Variants in CHRM4 observed in about 807,000 individuals in gnomAD.
CHRM4 encodes cholinergic receptor muscarinic 4, also known as muscarinic acetylcholine receptor M4.
In CHRM4, 5 loss-of-function variants were observed where a neutral mutation model predicts 26.3. The observed-to-expected ratio is 0.19, with a 90% confidence interval of 0.10 to 0.40. The LOEUF is 0.40. Among genes scored for constraint, CHRM4 ranks in the 10% least tolerant of loss-of-function variants. The pLI, the probability that CHRM4 is intolerant of heterozygous loss-of-function variation, is 1.00. For synonymous variants in CHRM4, 290 were observed against 285.3 expected, an observed-to-expected ratio of 1.02 and a Z score of -0.16; for missense variants, 402 against 664.5, an observed-to-expected ratio of 0.60 and a Z score of 4.34.
chr11:46,390,708 C>T (rs1012692455), intron 1 of CHRM4, among the ~76,000 whole-genome samples: 1 of 152,262 alleles, frequency 6.6e-6, no homozygotes, highest in Non-Finnish European at 1.5e-5. Context: ...GTCGAAGGAG[C>T]CCTGGCTCTC....
chr11:46,390,964 GA>G (rs1309434184), intron 1 of CHRM4, among the ~76,000 whole-genome samples: 2 of 152,218 alleles, frequency 1.3e-5, no homozygotes, highest in Non-Finnish European at 2.9e-5. Flanking sequence ...GAGTCCAAGG[GA>G]GGGAGAGGCG....
Position 46,386,401 on chromosome 11 carries a change from C to T in CHRM4, c.157G>A (p.Val53Met), listed in dbSNP as rs1279479189. 6.2e-7 allele frequency: 1 copy of T among 1,613,932 alleles called. No individual in the cohort carries two copies. Among genetic ancestry groups the T allele is most frequent in the African/African-American group, 1.3e-5 (1 of 75,012 alleles). Residue 53 changes from valine to methionine, a missense_variant, in exon 2 of 2, where the codon GTG (valine) becomes ATG (methionine). Physicochemically the swap from Val to Met is conservative, Grantham distance 21 (BLOSUM62 1). Transcript: ENST00000682254. The surrounding 1 kb of genome is among the most constrained non-coding windows in gnomAD (Gnocchi z 5.8). The part of the protein sequence containing the change: ...SLVTVVGNIL[V>M]MLSIKVNRQL... ...CTGTTGACCTTGATGGACAGCATCA[C>T]CAGGATGTTGCCCACGACAGTCACC...
In CHRM4 at chr11:46,388,761, A is replaced by G. The variant is rs1246846979; in HGVS notation, c.-29-2175T>C. ...AGCACCAGGAGGCTGCCCTCCCCCAATCACTCACGTGGAGGAGGGGACAGG... is the reference window on the plus strand; with the variant it reads ...AGCACCAGGAGGCTGCCCTCCCCCAGTCACTCACGTGGAGGAGGGGACAGG... On this transcript the variant is annotated intron_variant, in intron 1 of 1. Transcript: ENST00000682254. 5.9e-5 allele frequency among the ~76,000 whole-genome samples: 9 copies of G among 152,220 alleles called. 2 individuals carry two copies. Among genetic ancestry groups the G allele is most frequent in the Non-Finnish European group, 5.9e-5 (4 of 68,004 alleles).
At position 46,385,826 on chromosome 11, in the gene CHRM4, G is replaced by T; in HGVS notation, c.732C>A (p.Phe244Leu). 6.2e-7 allele frequency: 1 copy of T among 1,601,104 alleles called. No homozygotes were observed. Among genetic ancestry groups the T allele is most frequent in the Non-Finnish European group, 8.5e-7 (1 of 1,173,808 alleles). Residue 244 changes from phenylalanine (F) to leucine (L), a missense_variant, in exon 2 of 2, where the codon TTC (phenylalanine) becomes TTA (leucine). Physicochemically the swap from Phe to Leu is conservative, Grantham distance 22. Coordinates refer to ENST00000682254, the MANE Select transcript of CHRM4 (RefSeq NM_000741.5). The surrounding 1 kb of genome is among the most constrained non-coding windows in gnomAD (Gnocchi z 6.3). ...PKEKKAKTLA[F>L]LKSPLMKQSV... Reference sequence around the variant, plus strand: ...TCTGCTTCATTAGTGGGCTCTTGAGGAAGGCCAGCGTCTTGGCTTTCTTCT... The same window carrying T: ...TCTGCTTCATTAGTGGGCTCTTGAGTAAGGCCAGCGTCTTGGCTTTCTTCT...
In CHRM4 at chr11:46,384,239, CCCGAG is replaced by C. The variant is rs1452116063; in HGVS notation, c.*874_*878del. On this transcript the variant is annotated 3_prime_UTR_variant, in exon 2 of 2. Coordinates refer to ENST00000682254, the MANE Select transcript of CHRM4 (RefSeq NM_000741.5). ...TCCCCCCTTCCCACTGTCATGGAAA[CCCGAG>C]TGAGCCACCAGGTTGACCCCTTTCC... 3.3e-5 allele frequency among the ~76,000 whole-genome samples: 5 copies of C among 152,246 alleles called. No homozygotes were observed. Among genetic ancestry groups the C allele is most frequent in the African/African-American group, 1.2e-4 (5 of 41,462 alleles).
In CHRM4 at chr11:46,384,365, C is replaced by T. The variant is rs1945309757; in HGVS notation, c.*753G>A. ...GAATGCCATCCACCACAGCCTCACC[C>T]TGACTCGATGTGTGACCTGGGACAG... On this transcript the variant is annotated 3_prime_UTR_variant, in exon 2 of 2. Transcript: ENST00000682254. Among the ~76,000 whole-genome samples the T allele has an allele frequency of 6.6e-6, 1 of 152,228 alleles. No homozygotes were observed. The highest frequency in any genetic ancestry group is 2.4e-5 in the African/African-American group (1 of 41,452).
At chr11:46,388,501 C>T (rs1030155657) in intron 1 of CHRM4, among the ~76,000 whole-genome samples, 1 of 152,246 alleles carries the variant, frequency 6.6e-6, no homozygotes, top group Non-Finnish European at 1.5e-5. Context: ...CCCTTCTATT[C>T]CACCGTCGCA....
Position 46,386,404 on chromosome 11 carries a change from G to T in CHRM4, c.154C>A (p.Leu52Met). The change falls in exon 2 of 2, where the codon CTG (leucine) becomes ATG (methionine). Residue 52 changes from leucine to methionine, a missense_variant. By Grantham distance (15) the Leu-to-Met change is conservative. Around this residue, in one of 5 missense-constraint regions of CHRM4, gnomAD observed 92 missense variants for 133.1 expected, o/e 0.69. Transcript: ENST00000682254. The surrounding 1 kb of genome is among the most constrained non-coding windows in gnomAD (Gnocchi z 5.8). ...LSLVTVVGNILVMLSIKVNRQ... is the reference protein window; with the variant it reads ...LSLVTVVGNIMVMLSIKVNRQ... ...TTGACCTTGATGGACAGCATCACCA[G>T]GATGTTGCCCACGACAGTCACCAGG... 3.7e-6 allele frequency: 6 copies of T among 1,614,002 alleles called. No individual in the cohort carries two copies. Among genetic ancestry groups the T allele is most frequent in the Non-Finnish European group, 5.1e-6 (6 of 1,179,910 alleles).
At chr11:46,387,001 G>T (rs1044252619) in intron 1 of CHRM4, among the ~76,000 whole-genome samples, 1 of 143,382 alleles carries the variant, frequency 7.0e-6, no homozygotes, top group Admixed American at 7.1e-5. Context: ...GGCCCTGCCA[G>T]GGGCAGTAGC....
At chr11:46,390,607 T>A (rs902027602) in intron 1 of CHRM4, among the ~76,000 whole-genome samples, 1 of 152,158 alleles carries the variant, frequency 6.6e-6, no homozygotes, top group African/African-American at 2.4e-5. Flanking sequence ...GTGACCAAAG[T>A]GGGGACCCAG....
At position 46,386,631 on chromosome 11, in the gene CHRM4, G is replaced by A. The variant is rs1244084406; in HGVS notation, c.-29-45C>T. 6 of 1,545,758 alleles carry A rather than the reference G, an allele frequency of 3.9e-6. No homozygotes were observed. Among genetic ancestry groups the A allele is most frequent in the East Asian group, 4.5e-5 (2 of 44,238 alleles). On this transcript the variant is annotated intron_variant, in intron 1 of 1. Transcript: ENST00000682254. The surrounding 1 kb of genome is among the most constrained non-coding windows in gnomAD (Gnocchi z 5.8). Reference sequence around the variant, plus strand: ...AAAAGCATGAACTACAGGAGGGAATGGGGGAGTCATCTGGAGGTACACTGG... The same window carrying A: ...AAAAGCATGAACTACAGGAGGGAATAGGGGAGTCATCTGGAGGTACACTGG...
At position 46,386,719 on chromosome 11, in the gene CHRM4, C is replaced by T; in HGVS notation, c.-29-133G>A. 1.2e-6 allele frequency: 1 copy of T among 845,026 alleles called. No homozygotes were observed. The highest frequency in any genetic ancestry group is 1.8e-6 in the Non-Finnish European group (1 of 555,260). The allele number at this position is 845,026 out of a possible 1,614,324, so 52.3% of individuals were successfully genotyped here. On this transcript the variant is annotated intron_variant, in intron 1 of 1. Transcript: ENST00000682254. The surrounding 1 kb of genome is among the most constrained non-coding windows in gnomAD (Gnocchi z 5.8). The stretch of plus-strand genomic sequence containing the variant: ...CTTGAGAGAACTCTGTCCCGCCATC[C>T]CGCATTTGCCCATTCATTCAACATT...
rs752305893 is a variant in CHRM4, at chr11:46,385,874, C to A, written c.684G>T (p.Lys228Asn). 1 of 1,609,994 alleles carries A rather than the reference C, an allele frequency of 6.2e-7. No individual in the cohort carries two copies. The highest frequency in any genetic ancestry group is 8.5e-7 in the Non-Finnish European group (1 of 1,178,494). The change falls in exon 2 of 2, where the codon AAG becomes AAT. Residue 228 changes from lysine to asparagine, a missense_variant. By Grantham distance (94) the Lys-to-Asn change is moderately conservative (BLOSUM62 0). Transcript: ENST00000682254. This position sits in a 1 kb window ranked among gnomAD's most constrained non-coding sequence, Gnocchi z 6.3. ...TCTCCTTCGGGCCCTCGGGCCGGTG[C>A]TTGTGGACTCGGCTGCGACTGGCCA... ...ISLASRSRVH[K>N]HRPEGPKEKK...
intron 1 of CHRM4, among the ~76,000 whole-genome samples, chr11:46,387,574 CT>C (rs1475200092): frequency 6.6e-6 from 1 of 152,174 alleles, no homozygotes; most frequent in Non-Finnish European, 1.5e-5. Context: ...CACTATGTTG[CT>C]GGTGGGATTA....
chr11:46,385,213 T>A lies in CHRM4; in HGVS notation c.1345A>T (p.Asn449Tyr). ...YWLCYVNSTI[N>Y]PACYALCNAT... The stretch of plus-strand genomic sequence containing the variant: ...TTGCACAGAGCATAGCAGGCAGGGT[T>A]GATGGTGCTGTTGACGTAGCAGAGC... The change falls in exon 2 of 2, where the codon AAC (asparagine) becomes TAC (tyrosine). Residue 449 changes from asparagine to tyrosine, a missense_variant. This residue lies in a region of CHRM4 where 55 missense variants were observed against 126.4 expected (regional missense o/e 0.44). Coordinates refer to ENST00000682254, the MANE Select transcript of CHRM4 (RefSeq NM_000741.5). The surrounding 1 kb of genome is among the most constrained non-coding windows in gnomAD (Gnocchi z 6.3). The A allele has an allele frequency of 6.2e-7, 1 of 1,614,048 alleles. No individual in the cohort carries two copies. Among genetic ancestry groups the A allele is most frequent in the Non-Finnish European group, 8.5e-7 (1 of 1,179,982 alleles).
rs1386215836 is a variant in CHRM4 at position 46,384,887 on chromosome 11, G to T, written c.*231C>A. ...GTGCCCCGCAGCTCGCTGAAGCAGG[G>T]CCACAGAGGTGGGCCAGGCAGCCCC... On this transcript the variant is annotated 3_prime_UTR_variant, in exon 2 of 2. Coordinates refer to ENST00000682254, the MANE Select transcript of CHRM4 (RefSeq NM_000741.5). Among the ~76,000 whole-genome samples, 1 of 152,250 alleles carries T rather than the reference G, an allele frequency of 6.6e-6. No homozygotes were observed. Among genetic ancestry groups the T allele is most frequent in the Non-Finnish European group, 1.5e-5 (1 of 68,052 alleles).
intron 1 of CHRM4, among the ~76,000 whole-genome samples, chr11:46,387,871 G>A (rs1220680864): frequency 1.3e-5 from 2 of 152,188 alleles, no homozygotes; most frequent in Non-Finnish European, 2.9e-5. Flanking sequence ...AGGCCCAACT[G>A]GGGACCCGTG....
In CHRM4 at chr11:46,385,626, G is replaced by A; in HGVS notation, c.932C>T (p.Thr311Ile). Reference protein sequence around the residue: ...ATQNTKERPATELSTTEATTP... With the variant: ...ATQNTKERPAIELSTTEATTP... ...GGTGGCCTCTGTGGTGGACAGCTCT[G>A]TGGCTGGGCGTTCCTTGGTGTTCTG... Residue 311 changes from threonine to isoleucine, a missense_variant, in exon 2 of 2, where the codon ACA becomes ATA. By Grantham distance (89) the Thr-to-Ile change is moderately conservative. This residue lies in a region of CHRM4 where 205 missense variants were observed against 244.0 expected (regional missense o/e 0.84). Transcript: ENST00000682254. The surrounding 1 kb of genome is among the most constrained non-coding windows in gnomAD (Gnocchi z 6.3). 6.5e-7 allele frequency: 1 copy of A among 1,536,206 alleles called. No individual in the cohort carries two copies. Among genetic ancestry groups the A allele is most frequent in the Non-Finnish European group, 8.8e-7 (1 of 1,142,010 alleles).
At chr11:46,387,879 G>A (rs1378456355) in intron 1 of CHRM4, among the ~76,000 whole-genome samples, 5 of 152,326 alleles carry the variant, frequency 3.3e-5, no homozygotes, top group Non-Finnish European at 4.4e-5. Flanking sequence ...CTGGGGACCC[G>A]TGAGGTGAAA....
Sources: allele counts gnomAD v4.1 joint callset (sites outside exome capture counted in the v4.1 genomes callset), GRCh38; gene constraint gnomAD v4.1.1; regional missense constraint gnomAD v4.1.1; non-coding constraint Gnocchi (gnomAD v3.1); transcripts MANE v1.5; gene names NCBI Gene and HGNC (gene_info 2026-07-23, HGNC 2026-07-21).